The following UGT2A3 variants were observed in gnomAD, a reference collection of about 807,000 sequenced individuals.
UGT2A3 encodes UDP glucuronosyltransferase family 2 member A3.
UGT2A3 carries 55 observed loss-of-function variants against 44.1 expected under a neutral mutation model. The observed-to-expected ratio is 1.25, with a 90% confidence interval of 1.00 to 1.56. UGT2A3 has a LOEUF of 1.56. Ranked by LOEUF, UGT2A3 falls within the 40% of genes most tolerant of loss-of-function variation. The pLI, the probability that UGT2A3 is intolerant of heterozygous loss-of-function variation, is 0.00. For synonymous variants in UGT2A3, 243 were observed against 215.1 expected, an observed-to-expected ratio of 1.13 and a Z score of -1.13; for missense variants, 733 against 621.6, an observed-to-expected ratio of 1.18 and a Z score of -1.91.
At position 68,929,599 on chromosome 4, in the gene UGT2A3, T is replaced by C; in HGVS notation, c.*214A>G. 1 of 459,252 alleles carries C rather than the reference T, an allele frequency of 2.2e-6. No homozygotes were observed. The highest frequency in any genetic ancestry group is 3.9e-6 in the Non-Finnish European group (1 of 257,566). The allele number at this position is 459,252 out of a possible 1,614,324, so 28.4% of individuals were successfully genotyped here. A position where few individuals can be genotyped will look rare whatever the true frequency, so the allele number is the denominator to read the frequency against. ...AAATTTAGATGTATTCATGTCCTTG[T>C]GTCACAAAGTGAGAGAAGAGAGTAA... On this transcript the variant is annotated 3_prime_UTR_variant, in exon 6 of 6. Coordinates refer to ENST00000251566, the MANE Select transcript of UGT2A3 (RefSeq NM_024743.4).
Position 68,942,504 on chromosome 4 carries a change from G to GATATAT in UGT2A3, c.864+2796_864+2801dup, listed in dbSNP as rs34118122. On this transcript the variant is annotated intron_variant, in intron 2 of 5. Transcript: ENST00000251566. Reference sequence around the variant, plus strand: ...TATAGCTCAATAGCATTCCACTGGAGATATATATATATATATATATATATA... The same window carrying GATATAT: ...TATAGCTCAATAGCATTCCACTGGAGATATATATATATATATATATATATATATATA... Among the ~76,000 whole-genome samples the GATATAT allele has an allele frequency of 9.2e-3, 1,199 of 130,454 alleles. 10 individuals carry two copies. The highest frequency in any genetic ancestry group is 0.023 in the Admixed American group (262 of 11,616). 85.6% of individuals were successfully genotyped at this position (130,454 alleles called of 152,430 possible).
chr4:68,940,861 C>A (rs1256980743), intron 2 of UGT2A3, among the ~76,000 whole-genome samples: 4 of 150,560 alleles, frequency 2.7e-5, no homozygotes, highest in African/African-American at 9.8e-5. Flanking sequence ...GATACATACA[C>A]CAATACTATA....
intron 1 of UGT2A3, among the ~76,000 whole-genome samples, chr4:68,949,366 TG>T (rs1245585040): frequency 6.6e-6 from 1 of 151,864 alleles, no homozygotes; most frequent in Non-Finnish European, 1.5e-5. Flanking sequence ...AGAAGTGGGA[TG>T]GGGAAACGAA....
intron 3 of UGT2A3, 64 bp downstream of exon 3, chr4:68,932,564 C>G: frequency 6.5e-7 from 1 of 1,528,550 alleles, no homozygotes; most frequent in Non-Finnish European, 8.8e-7. Context: ...ATTCAAGACC[C>G]AAATAAAACC....
At chr4:68,945,982 T>C (rs189528177) in intron 1 of UGT2A3, among the ~76,000 whole-genome samples, 1 of 151,724 alleles carries the variant, frequency 6.6e-6, no homozygotes, top group East Asian at 2.0e-4. Flanking sequence ...ACTTGCTGTA[T>C]TGCATATCAT....
At chr4:68,932,505 T>C in intron 3 of UGT2A3, 123 bp downstream of exon 3, 5 of 1,084,706 alleles carry the variant, frequency 4.6e-6, no homozygotes, top group Non-Finnish European at 6.6e-6. Context: ...TGTACACTAC[T>C]ATAATGTTTT....
At chr4:68,945,542 A>G in intron 1 of UGT2A3, 88 bp from the exon 2 acceptor site, 14 of 1,212,792 alleles carry the variant, frequency 1.2e-5, no homozygotes, top group Non-Finnish European at 1.4e-5. Flanking sequence ...TTAAGAAAAA[A>G]ATAAGTTTAA....
intron 1 of UGT2A3, among the ~76,000 whole-genome samples, chr4:68,946,897 G>T (rs115603924): frequency 1.1e-4 from 17 of 151,740 alleles, no homozygotes; most frequent in African/African-American, 3.1e-4. Flanking sequence ...ATATCATCAC[G>T]TTTAAAAAGG....
chr4:68,931,077 T>C (rs528107156), intron 4 of UGT2A3, 78 bp downstream of exon 4: 2 of 1,163,734 alleles, frequency 1.7e-6, no homozygotes, highest in Non-Finnish European at 2.5e-6. Flanking sequence ...TTTAGATCTT[T>C]GCTGAATTTG....
At chr4:68,938,955 C>T (rs4694448) in intron 2 of UGT2A3, among the ~76,000 whole-genome samples, 18,507 of 152,026 alleles carry the variant, frequency 0.12, 1,588 homozygotes, top group Admixed American at 0.24. Flanking sequence ...ACAATTGCTA[C>T]AAACAGAATA....
intron 1 of UGT2A3, among the ~76,000 whole-genome samples, chr4:68,950,433 C>T (rs1030590074): frequency 6.6e-6 from 1 of 151,834 alleles, no homozygotes; most frequent in Middle Eastern, 3.4e-3. Context: ...GCTCTGATCA[C>T]AACTATATGA....
At chr4:68,949,071 C>T (rs755117816) in intron 1 of UGT2A3, among the ~76,000 whole-genome samples, 12 of 151,654 alleles carry the variant, frequency 7.9e-5, no homozygotes, top group South Asian at 2.1e-4. Flanking sequence ...AGAGTGAGAA[C>T]GAACTCACCC....
At chr4:68,941,711 T>G (rs1456141411) in intron 2 of UGT2A3, among the ~76,000 whole-genome samples, 2 of 151,806 alleles carry the variant, frequency 1.3e-5, no homozygotes, top group Non-Finnish European at 2.9e-5. Flanking sequence ...ATTCACAACA[T>G]GAAAAATATT....
intron 1 of UGT2A3, among the ~76,000 whole-genome samples, chr4:68,950,211 G>A (rs994966234): frequency 1.3e-5 from 2 of 151,886 alleles, no homozygotes; most frequent in Non-Finnish European, 2.9e-5. Flanking sequence ...ATTATTTAAA[G>A]CAAATCAATA....
chr4:68,943,270 A>T, intron 2 of UGT2A3: 1 of 1,209,296 alleles, frequency 8.3e-7, no homozygotes, highest in South Asian at 1.3e-5. Flanking sequence ...GTAGAATGGC[A>T]TGGGAGATTA....
Position 68,930,431 on chromosome 4 carries a change from CA to C in UGT2A3, c.1304+114del, listed in dbSNP as rs1418883821. On this transcript the variant is annotated intron_variant, in intron 5 of 5. Transcript: ENST00000251566. ...TCCAGTAACAAGGTGATGAATGACT[CA>C]ATATTGTGGAGTAAAATCCCTCAAC... The C allele has an allele frequency of 3.0e-6, 3 of 1,011,088 alleles. No individual in the cohort carries two copies. The African/African-American group carries it at 4.8e-5, about 16-fold the overall frequency. 62.6% of individuals were successfully genotyped at this position (1,011,088 alleles called of 1,614,324 possible).
At chr4:68,942,231 T>C (rs547087660) in intron 2 of UGT2A3, among the ~76,000 whole-genome samples, 16 of 151,154 alleles carry the variant, frequency 1.1e-4, no homozygotes, top group African/African-American at 3.9e-4. Context: ...AAACATCCAT[T>C]AATGAAGAAA....
intron 2 of UGT2A3, among the ~76,000 whole-genome samples, chr4:68,940,344 T>C (rs1231394829): frequency 6.6e-6 from 1 of 152,104 alleles, no homozygotes; most frequent in Non-Finnish European, 1.5e-5. Context: ...GTAGCACATA[T>C]ACACCATGGA....
intron 5 of UGT2A3, 88 bp from the exon 6 acceptor site, chr4:68,930,180 C>G: frequency 7.3e-7 from 1 of 1,373,814 alleles, no homozygotes; most frequent in East Asian, 2.3e-5. Flanking sequence ...ATATGTTATG[C>G]AAGCCAAGAA....
Sources: gnomAD v4.1 joint callset for allele counts (sites outside exome capture counted in the v4.1 genomes callset) on GRCh38, gnomAD v4.1.1 for gene constraint, MANE v1.5 for transcripts, NCBI Gene and HGNC (gene_info 2026-07-23, HGNC 2026-07-21) for gene names.